ACSM2A: variants seen among roughly 807,000 people sequenced by gnomAD.
ACSM2A encodes acyl-CoA synthetase medium chain family member 2A.
Under a neutral mutation model 76.6 loss-of-function variants are expected in ACSM2A, and 72 were observed. The ratio of observed to expected loss-of-function variants is 0.94; its 90% confidence interval spans 0.78 to 1.14. ACSM2A has a LOEUF of 1.14. ACSM2A is among the 50% of genes most tolerant of loss of function. The pLI, the probability that ACSM2A is intolerant of heterozygous loss-of-function variation, is 0.00. For missense variants in ACSM2A, 684 were observed against 708.5 expected, an observed-to-expected ratio of 0.97 and a Z score of 0.39; for synonymous variants, 249 against 255.9, an observed-to-expected ratio of 0.97 and a Z score of 0.26.
intron 1 of ACSM2A, among the ~76,000 whole-genome samples, chr16:20,452,904 C>T (rs1157824955): frequency 1.3e-5 from 2 of 151,884 alleles, no homozygotes; most frequent in African/African-American, 4.8e-5. Context: ...GTTTAGTGAC[C>T]CTATACATCA....
intron 8 of ACSM2A, 79 bp downstream of exon 8, chr16:20,475,852 C>T: frequency 6.3e-7 from 1 of 1,596,052 alleles, no homozygotes; most frequent in Middle Eastern, 1.8e-4. Flanking sequence ...AAATTGTTAG[C>T]CACCATGTAT....
chr16:20,456,452 C>G (rs1376947597), intron 1 of ACSM2A, among the ~76,000 whole-genome samples: 1 of 149,412 alleles, frequency 6.7e-6, no homozygotes, highest in East Asian at 2.0e-4. Flanking sequence ...ATCAAGTACT[C>G]TCTCAGACCG....
At chr16:20,486,169 A>G (rs2014373267) in intron 13 of ACSM2A, among the ~76,000 whole-genome samples, 1 of 152,212 alleles carries the variant, frequency 6.6e-6, no homozygotes, top group Non-Finnish European at 1.5e-5. Flanking sequence ...CCTTTTGTCC[A>G]TGTAATCACC....
At chr16:20,486,429 C>T (rs1237070002) in intron 13 of ACSM2A, 145 bp from the exon 14 acceptor site, 2 of 818,888 alleles carry the variant, frequency 2.4e-6, no homozygotes, top group South Asian at 1.7e-5. Flanking sequence ...TCCCAGAGCA[C>T]TTTCTGAAGC....
intron 9 of ACSM2A, among the ~76,000 whole-genome samples, chr16:20,478,214 A>G (rs1331375689): frequency 6.6e-6 from 1 of 152,200 alleles, no homozygotes; most frequent in African/African-American, 2.4e-5. Context: ...AAGTAGTTCA[A>G]AGTCAGCTAG....
chr16:20,467,314 A>G (rs1417295444), intron 3 of ACSM2A, among the ~76,000 whole-genome samples: 5 of 151,796 alleles, frequency 3.3e-5, no homozygotes, highest in African/African-American at 1.2e-4. Flanking sequence ...CCAGTGGTGA[A>G]TGGGAAATGA....
Position 20,471,452 on chromosome 16 carries a change from C to T in ACSM2A, c.741-84C>T, listed in dbSNP as rs113637482. On this transcript the variant is annotated intron_variant, in intron 5 of 13. Transcript: ENST00000573854. ...ACACACACCTCTGCACACACACCTC[C>T]CTTTCCTCCCCTACACCTTAGTGTC... 3,592 of 1,525,860 alleles carry T rather than the reference C, an allele frequency of 2.4e-3. 51 individuals carry two copies. The African/African-American group carries it at 0.029, about 12-fold the overall frequency. The allele number at this position is 1,525,860 out of a possible 1,614,324, so 94.5% of individuals were successfully genotyped here.
In ACSM2A at chr16:20,486,813, TA is replaced by T; in HGVS notation, c.*136del. 9.0e-7 allele frequency: 1 copy of T among 1,109,934 alleles called. No homozygotes were observed. The highest frequency in any genetic ancestry group is 1.5e-5 in the South Asian group (1 of 65,164). 68.8% of individuals were successfully genotyped at this position (1,109,934 alleles called of 1,614,324 possible). A position where few individuals can be genotyped will look rare whatever the true frequency, so the allele number is the denominator to read the frequency against. On this transcript the variant is annotated 3_prime_UTR_variant, in exon 14 of 14. Coordinates refer to ENST00000573854, the MANE Select transcript of ACSM2A (RefSeq NM_001308172.2). ...ATAAGTTTTGTCTTGCCTTGGTTATTAGCACAAAACTTTACCATGTTAGATG... is the reference window on the plus strand; with the variant it reads ...ATAAGTTTTGTCTTGCCTTGGTTATTGCACAAAACTTTACCATGTTAGATG...
Position 20,486,663 on chromosome 16 carries a change from A to G in ACSM2A, c.1719A>G (p.Lys573=). The change falls in exon 14 of 14, where the codon AAA becomes AAG. Residue 573 remains lysine (K), a synonymous_variant. Transcript: ENST00000573854. ...LRDKEWKMSG[K]ARAQ ...ACAAGGAGTGGAAGATGTCCGGAAA[A>G]GCCCGTGCGCAGTGAGACATCTAAG... is the stretch of plus-strand genomic sequence containing the variant. The G allele has an allele frequency of 6.2e-7, 1 of 1,614,166 alleles. No individual in the cohort carries two copies. The highest frequency in any genetic ancestry group is 8.5e-7 in the Non-Finnish European group (1 of 1,180,004).
intron 1 of ACSM2A, chr16:20,453,838 A>T (rs1488269878): frequency 1.5e-5 from 2 of 130,062 alleles, no homozygotes; most frequent in Non-Finnish European, 3.2e-5. Context: ...TAAGGACTGA[A>T]ATACGCCCTG....
chr16:20,478,498 C>T, intron 9 of ACSM2A, 78 bp from the exon 10 acceptor site: 1 of 1,523,192 alleles, frequency 6.6e-7, no homozygotes, highest in South Asian at 1.3e-5. Flanking sequence ...TTCATTTGAC[C>T]AATTCAGCAA....
chr16:20,472,050 AGT>A lies in ACSM2A; in HGVS notation c.894+374_894+375del, dbSNP rs149873044. Among the ~76,000 whole-genome samples, 4 of 151,842 alleles carry A rather than the reference AGT, an allele frequency of 2.6e-5. No homozygotes were observed. The East Asian group carries it at 5.8e-4, about 22-fold the overall frequency. On this transcript the variant is annotated intron_variant, in intron 6 of 13. Coordinates refer to ENST00000573854, the MANE Select transcript of ACSM2A (RefSeq NM_001308172.2). The stretch of plus-strand genomic sequence containing the variant: ...GAGGGGATGCCATCTCGCTCTCATG[AGT>A]GTGTGTGTGTGTTTGTGAGTGCACA...
intron 8 of ACSM2A, chr16:20,476,712 G>T (rs1430256726): frequency 3.6e-5 from 36 of 1,004,172 alleles, no homozygotes; most frequent in Non-Finnish European, 4.3e-5. Context: ...GAAAAGATGG[G>T]TCATTGTGAT....
At chr16:20,458,298 A>G (rs1161168493) in intron 1 of ACSM2A, among the ~76,000 whole-genome samples, 1 of 148,578 alleles carries the variant, frequency 6.7e-6, no homozygotes, top group Admixed American at 6.8e-5. Flanking sequence ...GAACTAGAAA[A>G]AAAATCCAAA....
In ACSM2A at chr16:20,460,218, G is replaced by T. The variant is rs1221815975; in HGVS notation, c.104G>T (p.Trp35Leu). The T allele has an allele frequency of 6.2e-7, 1 of 1,613,522 alleles. No individual in the cohort carries two copies. The highest frequency in any genetic ancestry group is 2.2e-5 in the East Asian group (1 of 44,872). ...INSRQLVSLQ[W>L]GHQEVPAKFN... ...AGTAGGCAACTGGTGTCCCTGCAGT[G>T]GGGCCACCAGGAAGTGCCGGCCAAG... Residue 35 changes from tryptophan (W) to leucine (L), a missense_variant, in exon 2 of 14, where the codon TGG becomes TTG. Around this residue, in one of 3 missense-constraint regions of ACSM2A, gnomAD observed 519 missense variants for 549.5 expected, o/e 0.94. Transcript: ENST00000573854.
At chr16:20,462,354 G>A (rs2012673669) in intron 2 of ACSM2A, among the ~76,000 whole-genome samples, 1 of 152,182 alleles carries the variant, frequency 6.6e-6, no homozygotes, top group African/African-American at 2.4e-5. Flanking sequence ...AACAAGAAGG[G>A]AGTTGGTTTC....
intron 3 of ACSM2A, among the ~76,000 whole-genome samples, chr16:20,469,287 C>A (rs138804758): frequency 0.016 from 2,460 of 152,214 alleles, 69 homozygotes; most frequent in African/African-American, 0.056. Flanking sequence ...AATTCAATTT[C>A]TTTTCTTTGT....
chr16:20,464,448 G>T (rs529898428), intron 2 of ACSM2A, among the ~76,000 whole-genome samples: 11 of 152,232 alleles, frequency 7.2e-5, no homozygotes, highest in Admixed American at 3.9e-4. Flanking sequence ...TCTGATGAGG[G>T]CCTCAAGAAA....
At chr16:20,458,035 G>T (rs2012300660) in intron 1 of ACSM2A, among the ~76,000 whole-genome samples, 1 of 151,342 alleles carries the variant, frequency 6.6e-6, no homozygotes, top group African/African-American at 2.4e-5. Context: ...ACCAAGCTGA[G>T]AATTAAATCA....
Sources: gnomAD v4.1 joint callset for allele counts (sites outside exome capture counted in the v4.1 genomes callset) on GRCh38, gnomAD v4.1.1 for gene constraint, gnomAD v4.1.1 regional missense constraint, MANE v1.5 for transcripts, NCBI Gene and HGNC (gene_info 2026-07-23, HGNC 2026-07-21) for gene names.